Variants in SLCO2A1 observed in about 807,000 individuals in gnomAD.
The protein encoded by SLCO2A1 is solute carrier organic anion transporter family member 2A1.
A neutral mutation model predicts 71.7 loss-of-function variants in SLCO2A1; 60 were observed. The ratio of observed to expected loss-of-function variants is 0.84; its 90% confidence interval spans 0.68 to 1.04. SLCO2A1 has a LOEUF of 1.04. Ranked by LOEUF, SLCO2A1 falls within the 50% of genes least tolerant of loss-of-function variation. The pLI, the probability that SLCO2A1 is intolerant of heterozygous loss-of-function variation, is 0.00. For missense variants in SLCO2A1, 745 were observed against 813.4 expected (o/e 0.92, Z 1.02); for synonymous variants, 308 against 326.7 (o/e 0.94, Z 0.62).
At chr3:133,981,665 A>C (rs1934594884) in intron 1 of SLCO2A1, among the ~76,000 whole-genome samples, 1 of 152,182 alleles carries the variant, frequency 6.6e-6, no homozygotes, top group South Asian at 2.1e-4. Flanking sequence ...GTAAAGGGTA[A>C]GATGTGAAAG....
chr3:134,001,515 T>C (rs1054944481), intron 1 of SLCO2A1, among the ~76,000 whole-genome samples: 3 of 152,198 alleles, frequency 2.0e-5, no homozygotes, highest in African/African-American at 7.2e-5. Context: ...ACCTCACCTC[T>C]TTGACTTTTC....
intron 1 of SLCO2A1, among the ~76,000 whole-genome samples, chr3:134,007,006 T>C (rs1935230728): frequency 6.6e-6 from 1 of 152,264 alleles, no homozygotes; most frequent in Non-Finnish European, 1.5e-5. Flanking sequence ...TTGTTTTGTT[T>C]TTTTATAGTA....
intron 1 of SLCO2A1, among the ~76,000 whole-genome samples, chr3:134,021,536 A>G (rs974838273): frequency 2.6e-5 from 4 of 152,098 alleles, no homozygotes; most frequent in African/African-American, 4.8e-5. Context: ...GAACAGCAGC[A>G]TAAGTGGCTG....
chr3:134,024,167 G>A (rs1935652071), intron 1 of SLCO2A1, among the ~76,000 whole-genome samples: 1 of 152,208 alleles, frequency 6.6e-6, no homozygotes, highest in Admixed American at 6.5e-5. Flanking sequence ...CTGAATAAAT[G>A]GAGTGGCACT....
At chr3:133,974,586 C>T (rs990842571) in intron 2 of SLCO2A1, among the ~76,000 whole-genome samples, 3 of 152,226 alleles carry the variant, frequency 2.0e-5, no homozygotes, top group Non-Finnish European at 2.9e-5. Context: ...TAGAGCACCC[C>T]TAAAACCCTT....
At chr3:134,017,112 T>C (rs914487547) in intron 1 of SLCO2A1, among the ~76,000 whole-genome samples, 3 of 152,160 alleles carry the variant, frequency 2.0e-5, no homozygotes, top group African/African-American at 7.2e-5. Context: ...TAGTTCTGTA[T>C]CTTGAAGTGG....
intron 1 of SLCO2A1, among the ~76,000 whole-genome samples, chr3:133,985,285 C>G (rs1394780246): frequency 6.6e-6 from 1 of 152,226 alleles, no homozygotes; most frequent in Non-Finnish European, 1.5e-5. Context: ...GTTCTGAGTT[C>G]CGTAGTAAAG....
chr3:133,996,487 C>T (rs548881623), intron 1 of SLCO2A1, among the ~76,000 whole-genome samples: 4 of 152,350 alleles, frequency 2.6e-5, no homozygotes, highest in South Asian at 2.1e-4. Flanking sequence ...CCTGAGGCTA[C>T]GGCATTCCGG....
In SLCO2A1 at chr3:133,948,604, G is replaced by A; in HGVS notation, c.1037C>T (p.Ser346Phe). Residue 346 changes from serine (S) to phenylalanine (F), a missense_variant, in exon 8 of 14, where the codon TCC becomes TTC. By Grantham distance (155) the Ser-to-Phe change is radical (BLOSUM62 -2). Transcript: ENST00000310926. ...CTFSSVIAGL[S>F]TFLNKFLEKQ... The stretch of plus-strand genomic sequence containing the variant: ...CTCCAGGAACTTGTTGAGGAAGGTG[G>A]AGAGGCCAGCAATGACGGAGGAGAA... The A allele has an allele frequency of 6.2e-7, 1 of 1,614,174 alleles. No homozygotes were observed. The highest frequency in any genetic ancestry group is 8.5e-7 in the Non-Finnish European group (1 of 1,180,010).
intron 1 of SLCO2A1, among the ~76,000 whole-genome samples, chr3:133,983,344 C>G (rs191295943): frequency 3.4e-4 from 52 of 152,366 alleles, no homozygotes; most frequent in African/African-American, 1.2e-3. Flanking sequence ...AGACATGTTA[C>G]TGAGCCAGCT....
In SLCO2A1 at chr3:133,953,709, G is replaced by A; in HGVS notation, c.678C>T (p.Gly226=). Residue 226 remains glycine (G), a synonymous_variant, in exon 5 of 14, where the codon GGC becomes GGT. Coordinates refer to ENST00000310926, the MANE Select transcript of SLCO2A1 (RefSeq NM_005630.3). Reference sequence around the variant, plus strand: ...CCACAAAGATCTGCAGCATGACAGAGCCCAGCAGGTACCCGAAAGCCGGTC... The same window carrying A: ...CCACAAAGATCTGCAGCATGACAGAACCCAGCAGGTACCCGAAAGCCGGTC... ...VFGPAFGYLL[G]SVMLQIFVDY... 1 of 1,614,188 alleles carries A rather than the reference G, an allele frequency of 6.2e-7. No homozygotes were observed. Among genetic ancestry groups the A allele is most frequent in the Non-Finnish European group, 8.5e-7 (1 of 1,180,036 alleles).
At chr3:133,957,979 G>C (rs1933936522) in intron 3 of SLCO2A1, among the ~76,000 whole-genome samples, 1 of 152,190 alleles carries the variant, frequency 6.6e-6, no homozygotes, top group African/African-American at 2.4e-5. Flanking sequence ...TCTAGAGGCT[G>C]TGTCTGCCAT....
intron 1 of SLCO2A1, among the ~76,000 whole-genome samples, chr3:134,025,185 G>A (rs1935676401): frequency 6.6e-6 from 1 of 152,148 alleles, no homozygotes; most frequent in South Asian, 2.1e-4. Flanking sequence ...TCCTCAGACT[G>A]AGGACTATTC....
chr3:133,971,351 G>T (rs2108054066), intron 3 of SLCO2A1, among the ~76,000 whole-genome samples: 1 of 152,358 alleles, frequency 6.6e-6, no homozygotes, highest in East Asian at 1.9e-4. Flanking sequence ...AGGAGCCTGG[G>T]GCTCGGATCT....
rs1331282195 is a variant in SLCO2A1 at position 134,029,702 on chromosome 3, C to T, written c.96+5G>A. ...GGCCCGGAAGACCCCGCGGACTCCG[C>T]TCACCTTAATGTTGCCGAAGACCGA... On this transcript the variant is annotated splice_donor_5th_base_variant and intron_variant, in intron 1 of 13. Coordinates refer to ENST00000310926, the MANE Select transcript of SLCO2A1 (RefSeq NM_005630.3). 6.3e-7 allele frequency: 1 copy of T among 1,582,862 alleles called. No individual in the cohort carries two copies. Among genetic ancestry groups the T allele is most frequent in the Admixed American group, 1.7e-5 (1 of 57,624 alleles).
intron 3 of SLCO2A1, among the ~76,000 whole-genome samples, chr3:133,960,204 A>G (rs531101655): frequency 6.6e-6 from 1 of 152,324 alleles, no homozygotes; most frequent in African/African-American, 2.4e-5. Flanking sequence ...TCCACTTCTG[A>G]GTATATACCC....
chr3:134,012,756 G>A (rs1271103406), intron 1 of SLCO2A1, among the ~76,000 whole-genome samples: 1 of 152,142 alleles, frequency 6.6e-6, no homozygotes, highest in Non-Finnish European at 1.5e-5. Flanking sequence ...GCTGTCACTT[G>A]CCTGCTCTCT....
At chr3:134,008,420 T>C (rs898240117) in intron 1 of SLCO2A1, among the ~76,000 whole-genome samples, 2 of 152,190 alleles carry the variant, frequency 1.3e-5, no homozygotes, top group African/African-American at 4.8e-5. Context: ...AACACCAGTC[T>C]TGGCCTCAAA....
intron 3 of SLCO2A1, among the ~76,000 whole-genome samples, chr3:133,960,669 C>T (rs1576435499): frequency 6.6e-6 from 1 of 152,180 alleles, no homozygotes; most frequent in Non-Finnish European, 1.5e-5. Context: ...CTTAATGCCA[C>T]TGAACTATAC....
Sources: gnomAD v4.1 joint callset for allele counts (sites outside exome capture counted in the v4.1 genomes callset) on GRCh38, gnomAD v4.1.1 for gene constraint, MANE v1.5 for transcripts, NCBI Gene and HGNC (gene_info 2026-07-23, HGNC 2026-07-21) for gene names.